The following CCDC178 variants were observed in gnomAD, a reference collection of about 807,000 sequenced individuals.
The protein encoded by CCDC178 is coiled-coil domain-containing protein 178.
In CCDC178, 126 loss-of-function variants were observed where a neutral mutation model predicts 117.4. That is an observed-to-expected ratio of 1.07 (90% CI 0.93 to 1.24). CCDC178 has a LOEUF of 1.24. Among genes scored for constraint, CCDC178 ranks in the 50% most tolerant of loss-of-function variants. CCDC178 has a pLI of 0.00. For missense variants in CCDC178, 1,030 were observed against 986.9 expected (o/e 1.04, Z -0.59); for synonymous variants, 283 against 313.4 (o/e 0.90, Z 1.02).
chr18:33,108,200 C>T lies in CCDC178; in HGVS notation c.2239-15290G>A, dbSNP rs565565741. Among the ~76,000 whole-genome samples the T allele has an allele frequency of 2.6e-5, 4 of 151,622 alleles. No individual in the cohort carries two copies. The East Asian group carries it at 7.8e-4, about 30-fold the overall frequency. On this transcript the variant is annotated intron_variant, in intron 20 of 22. Coordinates refer to ENST00000383096, the MANE Select transcript of CCDC178 (RefSeq NM_001105528.4). ...TATGCATGGAACTGTCATTAGTATACCTAAGTGTTTATGCTTTCAAACATA... is the reference window on the plus strand; with the variant it reads ...TATGCATGGAACTGTCATTAGTATATCTAAGTGTTTATGCTTTCAAACATA...
intron 14 of CCDC178, among the ~76,000 whole-genome samples, chr18:33,260,887 T>C (rs1599067906): frequency 6.6e-6 from 1 of 152,158 alleles, no homozygotes; most frequent in Non-Finnish European, 1.5e-5. Context: ...AGGTCTGATT[T>C]TGGACTTTCT....
intron 2 of CCDC178, among the ~76,000 whole-genome samples, chr18:33,431,065 A>G (rs1261529211): frequency 2.1e-5 from 3 of 145,292 alleles, no homozygotes; most frequent in Non-Finnish European, 3.0e-5. Context: ...ACCGTGCGAG[A>G]CTACGTCTCA....
intron 11 of CCDC178, among the ~76,000 whole-genome samples, chr18:33,309,943 A>C (rs1474360711): frequency 3.8e-3 from 4 of 1,052 alleles, no homozygotes; most frequent in African/African-American, 0.013. Flanking sequence ...CTTTTCTTTT[A>C]TTTATTTATT....
At chr18:33,421,316 C>T (rs114129513) in intron 2 of CCDC178, among the ~76,000 whole-genome samples, 1 of 152,190 alleles carries the variant, frequency 6.6e-6, no homozygotes, top group African/African-American at 2.4e-5. Context: ...AGGATTCCAT[C>T]ATGCTGGCCC....
chr18:33,236,260 G>A (rs2059425339), intron 15 of CCDC178, among the ~76,000 whole-genome samples: 1 of 152,156 alleles, frequency 6.6e-6, no homozygotes, highest in Admixed American at 6.6e-5. Context: ...CAGATTTAGA[G>A]TGTTCTAAAG....
At chr18:33,096,966 G>A (rs929319948) in intron 20 of CCDC178, among the ~76,000 whole-genome samples, 1 of 152,064 alleles carries the variant, frequency 6.6e-6, no homozygotes, top group African/African-American at 2.4e-5. Context: ...AGAAAGACAA[G>A]GCCGAGAGAT....
intron 6 of CCDC178, among the ~76,000 whole-genome samples, chr18:33,361,956 T>C (rs964010559): frequency 6.6e-6 from 1 of 151,770 alleles, no homozygotes; most frequent in Non-Finnish European, 1.5e-5. Context: ...TTTAGGTATA[T>C]ACCCAAAGGA....
Position 33,036,434 on chromosome 18 carries a change from T to C in CCDC178, c.2388+56327A>G, listed in dbSNP as rs192813158. 1.4e-3 allele frequency among the ~76,000 whole-genome samples: 207 copies of C among 152,006 alleles called. 1 individual carries two copies. Among genetic ancestry groups the C allele is most frequent in the African/African-American group, 4.7e-3 (197 of 41,502 alleles). On this transcript the variant is annotated intron_variant, in intron 21 of 22. Coordinates refer to ENST00000383096, the MANE Select transcript of CCDC178 (RefSeq NM_001105528.4). Reference sequence around the variant, plus strand: ...AGCATCAAGAAAATCAATAGTTATATAATACATGGCTGTAAGAACACCAAA... The same window carrying C: ...AGCATCAAGAAAATCAATAGTTATACAATACATGGCTGTAAGAACACCAAA...
chr18:33,249,913 T>C (rs1454937093), intron 14 of CCDC178, among the ~76,000 whole-genome samples: 3 of 152,096 alleles, frequency 2.0e-5, no homozygotes, highest in Non-Finnish European at 4.4e-5. Context: ...TGGAATGTTC[T>C]TCCATTTGTT....
chr18:33,290,942 T>C lies in CCDC178; in HGVS notation c.1176+2217A>G, dbSNP rs533517171. ...CTCACTTCACATTACACCCATACAT[T>C]AATTTCTTATTAATTATGCATCACA... On this transcript the variant is annotated intron_variant, in intron 12 of 22. Coordinates refer to ENST00000383096, the MANE Select transcript of CCDC178 (RefSeq NM_001105528.4). 5.9e-5 allele frequency among the ~76,000 whole-genome samples: 9 copies of C among 152,268 alleles called. No individual in the cohort carries two copies. In the South Asian group the frequency reaches 1.9e-3, roughly 32 times the overall value.
At chr18:33,335,245 C>T (rs2062724000) in intron 9 of CCDC178, among the ~76,000 whole-genome samples, 1 of 151,992 alleles carries the variant, frequency 6.6e-6, no homozygotes, top group East Asian at 1.9e-4. Context: ...TTTGATATAA[C>T]AAAAGCTACT....
chr18:33,125,654 T>C (rs2057995961), intron 20 of CCDC178, among the ~76,000 whole-genome samples: 2 of 152,184 alleles, frequency 1.3e-5, no homozygotes, highest in Admixed American at 1.3e-4. Flanking sequence ...TTACCTCTAG[T>C]AGAGGAAAAA....
At chr18:32,975,946 C>A (rs991175034) in intron 21 of CCDC178, among the ~76,000 whole-genome samples, 1 of 151,996 alleles carries the variant, frequency 6.6e-6, no homozygotes, top group Admixed American at 6.6e-5. Context: ...TAACTAAATA[C>A]TTGGTATTGC....
rs571416295 is a variant in CCDC178, at chr18:33,105,857, C to T, written c.2239-12947G>A. On this transcript the variant is annotated intron_variant, in intron 20 of 22. Coordinates refer to ENST00000383096, the MANE Select transcript of CCDC178 (RefSeq NM_001105528.4). The stretch of plus-strand genomic sequence containing the variant: ...ACTTTGCTAAGCTGTGTTCTCACAA[C>T]TCAGGAGATTAAAATTTCAAAAAAA... Among the ~76,000 whole-genome samples the T allele has an allele frequency of 8.9e-4, 135 of 151,304 alleles. 1 individual carries two copies. The highest frequency in any genetic ancestry group is 3.2e-3 in the African/African-American group (132 of 41,348).
chr18:33,100,341 T>C (rs1237439429), intron 20 of CCDC178, among the ~76,000 whole-genome samples: 2 of 151,160 alleles, frequency 1.3e-5, no homozygotes, highest in African/African-American at 2.5e-5. Flanking sequence ...ACCTTGCTTG[T>C]TCCCTATTAC....
intron 2 of CCDC178, among the ~76,000 whole-genome samples, chr18:33,414,918 G>A (rs1166247688): frequency 2.6e-5 from 4 of 152,140 alleles, no homozygotes; most frequent in African/African-American, 9.7e-5. Flanking sequence ...CTCAAAAGAA[G>A]ACATTTATGC....
At chr18:33,425,203 C>T (rs941486963) in intron 2 of CCDC178, among the ~76,000 whole-genome samples, 2 of 152,114 alleles carry the variant, frequency 1.3e-5, no homozygotes, top group Non-Finnish European at 2.9e-5. Context: ...CACAAACAAT[C>T]GAGCAAGGCA....
At chr18:33,276,530 C>A (rs564288728) in intron 12 of CCDC178, among the ~76,000 whole-genome samples, 1 of 151,936 alleles carries the variant, frequency 6.6e-6, no homozygotes, top group Non-Finnish European at 1.5e-5. Context: ...GAACTGAGAA[C>A]AAGAATCCAG....
Position 33,394,961 on chromosome 18 carries a change from A to G in CCDC178, c.118+2188T>C, listed in dbSNP as rs1205625448. Among the ~76,000 whole-genome samples, 309 of 131,252 alleles carry G rather than the reference A, an allele frequency of 2.4e-3. 3 individuals are homozygous for G. Among genetic ancestry groups the G allele is most frequent in the Non-Finnish European group, 3.9e-3 (235 of 60,388 alleles). The allele number at this position is 131,252 out of a possible 152,430, so 86.1% of individuals were successfully genotyped here. ...TGTATGTGTATATATATATATATAT[A>G]TATATATATATATATATATATATAT... On this transcript the variant is annotated intron_variant, in intron 4 of 22. Transcript: ENST00000383096.
Sources: gnomAD v4.1 joint callset for allele counts (sites outside exome capture counted in the v4.1 genomes callset) on GRCh38, gnomAD v4.1.1 for gene constraint, MANE v1.5 for transcripts, NCBI Gene and HGNC (gene_info 2026-07-23, HGNC 2026-07-21) for gene names.